The following SLC35F4 variants were observed in gnomAD, a reference collection of about 807,000 sequenced individuals.
SLC35F4 encodes chromosome 14 open reading frame 36.
SLC35F4 carries 24 observed loss-of-function variants against 44.2 expected under a neutral mutation model. The observed-to-expected ratio is 0.54, with a 90% CI of 0.39 to 0.76. The LOEUF is 0.76. SLC35F4 is among the 30% of genes least tolerant of loss of function. The pLI is 0.00. For synonymous variants in SLC35F4, 238 were observed against 223.6 expected (o/e 1.06, Z -0.57); for missense variants, 562 against 586.1 (o/e 0.96, Z 0.42).
intron 1 of SLC35F4, among the ~76,000 whole-genome samples, chr14:57,935,810 G>A (rs1199860425): frequency 6.6e-6 from 1 of 152,118 alleles, no homozygotes; most frequent in Non-Finnish European, 1.5e-5. Context: ...TGTTACAAAT[G>A]CTTTGCACTA....
At chr14:57,956,523 A>G (rs1285461830) in intron 1 of SLC35F4, among the ~76,000 whole-genome samples, 2 of 152,182 alleles carry the variant, frequency 1.3e-5, no homozygotes, top group Non-Finnish European at 2.9e-5. Context: ...ACGGGAGAAA[A>G]TTTCTGCAAT....
chr14:57,867,092 C>A (rs1888188197), upstream of SLC35F4, among the ~76,000 whole-genome samples: 1 of 151,632 alleles, frequency 6.6e-6, no homozygotes, highest in Non-Finnish European at 1.5e-5. Context: ...CAATTTAGGT[C>A]CACCTTCCGT....
intron 3 of SLC35F4, among the ~76,000 whole-genome samples, 176 bp from the exon 4 acceptor site, chr14:57,581,609 C>T (rs1333020974): frequency 1.3e-5 from 2 of 152,244 alleles, no homozygotes; most frequent in Non-Finnish European, 1.5e-5. Context: ...TATGAGGTTC[C>T]TTGGAAAATA....
At chr14:57,964,991 A>ATATATATATAT (rs1279192848) in intron 1 of SLC35F4, among the ~76,000 whole-genome samples, 12 of 115,672 alleles carry the variant, frequency 1.0e-4, no homozygotes, top group African/African-American at 4.4e-4. Flanking sequence ...AAAAAAAAAA[A>ATATATATATAT]ATATATATAT....
upstream of SLC35F4, among the ~76,000 whole-genome samples, chr14:57,870,299 CT>C (rs1336043977): frequency 6.6e-6 from 1 of 152,022 alleles, no homozygotes; most frequent in African/African-American, 2.4e-5. Context: ...CAGCATTATA[CT>C]GTACTCGGCA....
chr14:57,950,498 TA>T (rs1373746135), intron 1 of SLC35F4, among the ~76,000 whole-genome samples: 1 of 152,120 alleles, frequency 6.6e-6, no homozygotes, highest in Non-Finnish European at 1.5e-5. Flanking sequence ...AGTAGCTTAA[TA>T]ATCAACCTTC....
intron 1 of SLC35F4, among the ~76,000 whole-genome samples, chr14:57,642,887 A>G (rs1704048925): frequency 6.6e-6 from 1 of 151,976 alleles, no homozygotes; most frequent in African/African-American, 2.4e-5. Context: ...TCTCCCATTT[A>G]TTTAGTCTGG....
intron 1 of SLC35F4, among the ~76,000 whole-genome samples, chr14:57,738,758 T>C (rs1245691360): frequency 4.6e-5 from 2 of 43,744 alleles, no homozygotes; most frequent in Non-Finnish European, 1.1e-4. Context: ...CATATATATA[T>C]ATATATATAT....
At chr14:57,735,082 G>A (rs1316200284) in intron 1 of SLC35F4, among the ~76,000 whole-genome samples, 1 of 151,970 alleles carries the variant, frequency 6.6e-6, no homozygotes, top group Non-Finnish European at 1.5e-5. Flanking sequence ...TGACATCTGT[G>A]ACATACAAAA....
At chr14:57,718,797 T>C (rs2076007939) in intron 1 of SLC35F4, among the ~76,000 whole-genome samples, 2 of 152,336 alleles carry the variant, frequency 1.3e-5, no homozygotes, top group South Asian at 4.1e-4. Context: ...GGGTTGTCTC[T>C]TCACTTTGTT....
chr14:57,587,371 C>G (rs1446966835), intron 3 of SLC35F4, among the ~76,000 whole-genome samples: 1 of 152,146 alleles, frequency 6.6e-6, no homozygotes, highest in Non-Finnish European at 1.5e-5. Context: ...TTGGAACGAA[C>G]CCAAATGCCC....
At chr14:57,806,190 A>G (rs889483991) in intron 1 of SLC35F4, among the ~76,000 whole-genome samples, 3 of 152,186 alleles carry the variant, frequency 2.0e-5, no homozygotes, top group Non-Finnish European at 4.4e-5. Flanking sequence ...TAATATTGCA[A>G]TAGAGATATC....
At chr14:57,584,870 A>G (rs928349138) in intron 3 of SLC35F4, among the ~76,000 whole-genome samples, 1 of 152,206 alleles carries the variant, frequency 6.6e-6, no homozygotes, top group Non-Finnish European at 1.5e-5. Flanking sequence ...CCATGGAAGC[A>G]TTCAAGTAGA....
chr14:57,963,268 G>C (rs983128030), intron 1 of SLC35F4, among the ~76,000 whole-genome samples: 5 of 152,210 alleles, frequency 3.3e-5, no homozygotes, highest in African/African-American at 7.2e-5. Flanking sequence ...CAGCAGGTCA[G>C]GTGCTTGCTT....
intron 1 of SLC35F4, among the ~76,000 whole-genome samples, chr14:57,680,924 C>T (rs929004499): frequency 6.6e-6 from 1 of 151,952 alleles, no homozygotes; most frequent in African/African-American, 2.4e-5. Flanking sequence ...GAATAAATAT[C>T]ATCAAAATGG....
intron 1 of SLC35F4, among the ~76,000 whole-genome samples, chr14:57,684,232 G>A (rs1375847091): frequency 8.5e-5 from 13 of 152,102 alleles, no homozygotes; most frequent in Admixed American, 2.6e-4. Flanking sequence ...CGCCGCTGCT[G>A]GCACAGGCTG....
chr14:57,879,640 G>C (rs1888476684), intron 1 of SLC35F4, among the ~76,000 whole-genome samples: 1 of 152,120 alleles, frequency 6.6e-6, no homozygotes, highest in South Asian at 2.1e-4. Flanking sequence ...CCTGCCAGGA[G>C]AATGTTTTTC....
rs188705081 is a variant in SLC35F4, at chr14:57,907,002, A to G, written n.282+74911T>C. 1.1e-3 allele frequency among the ~76,000 whole-genome samples: 167 copies of G among 152,324 alleles called. 1 individual carries two copies. Among genetic ancestry groups the G allele is most frequent in the Middle Eastern group, 3.4e-3 (1 of 294 alleles). ...TATTCTTCAGGCATTTCTTCTATCAATAAAAAGTATCTGATAAACCATAAT... is the reference window on the plus strand; with the variant it reads ...TATTCTTCAGGCATTTCTTCTATCAGTAAAAAGTATCTGATAAACCATAAT... On this transcript the variant is annotated intron_variant and non_coding_transcript_variant, in intron 1 of 1. Transcript: ENST00000556568.
rs770463176 is a variant in SLC35F4, at chr14:57,589,443, G to A, written c.360C>T (p.Ser120=). ...TGCCCTTCAGAACCATGGACGTGCAGGACAGGCAGCGAGCCTTGATTCTGT... is the reference window on the plus strand; with the variant it reads ...TGCCCTTCAGAACCATGGACGTGCAAGACAGGCAGCGAGCCTTGATTCTGT... ...QENRIKARCL[S]CTSMVLKGIW... is the part of the protein sequence containing the mutation. Residue 120 remains serine (S), a synonymous_variant, in exon 3 of 8, where the codon TCC becomes TCT. Coordinates refer to ENST00000556826, the MANE Select transcript of SLC35F4 (RefSeq NM_001306087.2). The A allele has an allele frequency of 1.4e-5, 23 of 1,613,804 alleles. No individual in the cohort carries two copies. In the South Asian group the frequency reaches 2.2e-4, roughly 15 times the overall value.
Sources: gnomAD v4.1 joint callset for allele counts (sites outside exome capture counted in the v4.1 genomes callset) on GRCh38, gnomAD v4.1.1 for gene constraint, MANE v1.5 for transcripts, NCBI Gene and HGNC (gene_info 2026-07-23, HGNC 2026-07-21) for gene names.